Variants in PALLD observed in about 807,000 individuals in gnomAD.
The protein encoded by PALLD is palladin, cytoskeletal associated protein, also known as palladin.
In PALLD, 61 loss-of-function variants were observed where a neutral mutation model predicts 123.5. The observed-to-expected ratio is 0.49, with a 90% CI of 0.40 to 0.61. PALLD has a LOEUF of 0.61. Among genes scored for constraint, PALLD ranks in the 20% least tolerant of loss-of-function variants. PALLD has a pLI of 0.00. For missense variants in PALLD, 1,273 were observed against 1,377.0 expected, an observed-to-expected ratio of 0.92 and a Z score of 1.20; for synonymous variants, 465 against 496.4, an observed-to-expected ratio of 0.94 and a Z score of 0.84.
intron 8 of PALLD, among the ~76,000 whole-genome samples, chr4:168,707,287 A>G: frequency 6.6e-6 from 1 of 152,238 alleles, no homozygotes; most frequent in East Asian, 1.9e-4. Flanking sequence ...TAAAGCAGCA[A>G]CCATAATTCG....
intron 2 of PALLD, among the ~76,000 whole-genome samples, chr4:168,580,252 G>C (rs1287726363): frequency 1.3e-5 from 2 of 151,826 alleles, no homozygotes; most frequent in Admixed American, 6.6e-5. Context: ...GTGTGTGTGT[G>C]TGTGTGTGTG....
In PALLD at chr4:168,898,573, A is replaced by G. The variant is rs1755776632; in HGVS notation, c.2331A>G (p.Ser777=). 2 of 1,613,590 alleles carry G rather than the reference A, an allele frequency of 1.2e-6. No individual in the cohort carries two copies. The highest frequency in any genetic ancestry group is 2.2e-5 in the East Asian group (1 of 44,894). The change falls in exon 14 of 22, where the codon TCA becomes TCG. Residue 777 remains serine (S), a synonymous_variant. Coordinates refer to ENST00000505667, the MANE Select transcript of PALLD (RefSeq NM_001166108.2). The stretch of plus-strand genomic sequence containing the variant: ...TAGAAAGGTCTCCTGTGGATGAATC[A>G]GGTGATGAAGTTCAGTATGGAGATG... ...YRLERSPVDE[S]GDEVQYGDVP...
In PALLD at chr4:168,856,827, A is replaced by T. The variant is rs543473822; in HGVS notation, c.1965-34095A>T. 2.0e-5 allele frequency among the ~76,000 whole-genome samples: 3 copies of T among 152,326 alleles called. No homozygotes were observed. The South Asian group carries it at 6.2e-4, about 32-fold the overall frequency. On this transcript the variant is annotated intron_variant, in intron 10 of 21. Transcript: ENST00000505667. ...CATTCCTAAACCAGTTAAGAAGTAT[A>T]TGAATAAAACTCCTAGAGGATGGAA...
rs1356923935 is a variant in PALLD, at chr4:168,718,545, C to CAA, written c.1964+6623_1964+6624dup. Among the ~76,000 whole-genome samples, 3 of 151,966 alleles carry CAA rather than the reference C, an allele frequency of 2.0e-5. No homozygotes were observed. In the East Asian group the frequency reaches 5.8e-4, roughly 29 times the overall value. On this transcript the variant is annotated intron_variant, in intron 10 of 21. Transcript: ENST00000505667. Reference sequence around the variant, plus strand: ...GCTAGCCATTACTTTCATTTCTTTTCAACTTAAATTTGTTTTTTCTAGGTA... The same window carrying CAA: ...GCTAGCCATTACTTTCATTTCTTTTCAAAACTTAAATTTGTTTTTTCTAGGTA...
At chr4:168,892,598 A>G (rs183434424) in intron 11 of PALLD, among the ~76,000 whole-genome samples, 1 of 152,318 alleles carries the variant, frequency 6.6e-6, no homozygotes, top group East Asian at 1.9e-4. Flanking sequence ...TCTCCCTGAA[A>G]TAAGTGATTG....
rs140141433 is a variant in PALLD at position 168,511,985 on chromosome 4, A to C, written c.481A>C (p.Lys161Gln). ...NVKPKTPHQR[K>Q]GGPQSQLCDK... The stretch of plus-strand genomic sequence containing the variant: ...AAAGCCCAAAACGCCACATCAAAGA[A>C]AGGGTGGCCCCCAGAGCCAGCTGTG... Residue 161 changes from lysine to glutamine, a missense_variant, in exon 2 of 22, where the codon AAG (lysine) becomes CAG (glutamine). By Grantham distance (53) the Lys-to-Gln change is moderately conservative. Around this residue, in one of 2 missense-constraint regions of PALLD, gnomAD observed 944 missense variants for 954.5 expected, o/e 0.99. Coordinates refer to ENST00000505667, the MANE Select transcript of PALLD (RefSeq NM_001166108.2). 7 of 1,614,104 alleles carry C rather than the reference A, an allele frequency of 4.3e-6. No homozygotes were observed. In the African/African-American group the frequency reaches 9.3e-5, roughly 22 times the overall value.
chr4:168,850,062 C>A (rs180809182), intron 10 of PALLD, among the ~76,000 whole-genome samples: 26 of 152,180 alleles, frequency 1.7e-4, no homozygotes, highest in Admixed American at 1.6e-3. Flanking sequence ...TTTAATCCTC[C>A]CTTATACTCA....
At chr4:168,825,692 G>A (rs1266164744) in intron 10 of PALLD, among the ~76,000 whole-genome samples, 1 of 152,008 alleles carries the variant, frequency 6.6e-6, no homozygotes, top group Non-Finnish European at 1.5e-5. Flanking sequence ...TGAAAACGGC[G>A]CTGCAACACC....
chr4:168,856,520 G>A (rs973973256), intron 10 of PALLD, among the ~76,000 whole-genome samples: 1 of 152,112 alleles, frequency 6.6e-6, no homozygotes, highest in Admixed American at 6.5e-5. Flanking sequence ...TTGTTTTGAC[G>A]TTGTAGTAAT....
intron 10 of PALLD, among the ~76,000 whole-genome samples, chr4:168,839,336 G>C (rs544117895): frequency 6.6e-6 from 1 of 152,168 alleles, no homozygotes; most frequent in African/African-American, 2.4e-5. Context: ...TGGTGCCCCT[G>C]TTGGGGGCAG....
In PALLD at chr4:168,553,312, TC is replaced by T. The variant is rs1427264049; in HGVS notation, c.908+40901del. On this transcript the variant is annotated intron_variant, in intron 2 of 21. Coordinates refer to ENST00000505667, the MANE Select transcript of PALLD (RefSeq NM_001166108.2). Reference sequence around the variant, plus strand: ...AAAAGCCTTATAATGTTGTAATGGCTCTGGTAAAAGTCTGCAAAAGGTAGAG... The same window carrying T: ...AAAAGCCTTATAATGTTGTAATGGCTTGGTAAAAGTCTGCAAAAGGTAGAG... 2.0e-5 allele frequency among the ~76,000 whole-genome samples: 3 copies of T among 152,158 alleles called. No individual in the cohort carries two copies. The East Asian group carries it at 5.8e-4, about 29-fold the overall frequency.
At chr4:168,800,557 G>A (rs553619573) in intron 10 of PALLD, among the ~76,000 whole-genome samples, 2 of 152,242 alleles carry the variant, frequency 1.3e-5, no homozygotes, top group African/African-American at 2.4e-5. Flanking sequence ...AAACAACAGA[G>A]ATACCATTAC....
intron 18 of PALLD, 133 bp downstream of exon 18, chr4:168,921,874 A>C: frequency 2.6e-6 from 2 of 768,460 alleles, no homozygotes; most frequent in East Asian, 2.7e-5. Context: ...AAAATAGCCA[A>C]TGAGGACATG....
intron 2 of PALLD, among the ~76,000 whole-genome samples, chr4:168,552,042 TTA>T (rs1403657607): frequency 6.6e-6 from 1 of 152,132 alleles, no homozygotes; most frequent in Non-Finnish European, 1.5e-5. Context: ...ATTAAATACA[TTA>T]GGTAAAATCT....
At chr4:168,696,429 G>A (rs1783133468) in intron 8 of PALLD, among the ~76,000 whole-genome samples, 2 of 151,988 alleles carry the variant, frequency 1.3e-5, no homozygotes, top group South Asian at 2.1e-4. Context: ...TATAGGGAAG[G>A]CCAAAGTGGA....
At chr4:168,655,877 A>C (rs1022307581) in intron 2 of PALLD, among the ~76,000 whole-genome samples, 1 of 152,208 alleles carries the variant, frequency 6.6e-6, no homozygotes, top group East Asian at 1.9e-4. Flanking sequence ...CAAAGAACTA[A>C]CTGCTGGGCA....
rs186620607 is a variant in PALLD, at chr4:168,639,676, T to C, written c.909-28514T>C. 9.8e-3 allele frequency among the ~76,000 whole-genome samples: 1,484 copies of C among 152,104 alleles called. 25 individuals are homozygous for C. The highest frequency in any genetic ancestry group is 0.032 in the African/African-American group (1,340 of 41,476). ...CTCCTGCCTCAGCCTCCTGAGTAGC[T>C]GGGACTACAGGCACCCACTACCACG... On this transcript the variant is annotated intron_variant, in intron 2 of 21. Transcript: ENST00000505667.
In PALLD at chr4:168,821,804, C is replaced by T. The variant is rs187683916; in HGVS notation, c.1965-69118C>T. Among the ~76,000 whole-genome samples, 11 of 147,534 alleles carry T rather than the reference C, an allele frequency of 7.5e-5. No homozygotes were observed. The East Asian group carries it at 1.6e-3, about 22-fold the overall frequency. On this transcript the variant is annotated intron_variant, in intron 10 of 21. Coordinates refer to ENST00000505667, the MANE Select transcript of PALLD (RefSeq NM_001166108.2). ...CTGAGGCAGGAGAATCACTTGAACTCGAGAGGTGGAGGTTGCAGTGAGCCG... is the reference window on the plus strand; with the variant it reads ...CTGAGGCAGGAGAATCACTTGAACTTGAGAGGTGGAGGTTGCAGTGAGCCG...
chr4:168,814,840 G>T (rs997113391), intron 10 of PALLD, among the ~76,000 whole-genome samples: 1 of 152,090 alleles, frequency 6.6e-6, no homozygotes, highest in Non-Finnish European at 1.5e-5. Flanking sequence ...ACGCGACCTC[G>T]GCTCACTGCA....
Sources: allele counts gnomAD v4.1 joint callset (sites outside exome capture counted in the v4.1 genomes callset), GRCh38; gene constraint gnomAD v4.1.1; regional missense constraint gnomAD v4.1.1; transcripts MANE v1.5; gene names NCBI Gene and HGNC (gene_info 2026-07-23, HGNC 2026-07-21).